ERC2: variants seen among roughly 807,000 people sequenced by gnomAD.
The protein encoded by ERC2 is ELKS/RAB6-interacting/CAST family member 2, also known as ERC protein 2.
A neutral mutation model predicts 114.8 loss-of-function variants in ERC2; 42 were observed. That is an observed-to-expected ratio of 0.37 (90% CI 0.29 to 0.47). ERC2 has a LOEUF of 0.47. Ranked by LOEUF, ERC2 falls within the 20% of genes least tolerant of loss-of-function variation. ERC2 has a pLI of 0.99. For missense variants in ERC2, 939 were observed against 1,150.7 expected (o/e 0.82, Z 2.66); for synonymous variants, 454 against 425.5 (o/e 1.07, Z -0.82).
intron 17 of ERC2, among the ~76,000 whole-genome samples, chr3:55,568,524 C>T (rs943033683): frequency 6.6e-6 from 1 of 152,136 alleles, no homozygotes; most frequent in Non-Finnish European, 1.5e-5. Context: ...GCTCCTCTTT[C>T]CTTCATGTTC....
chr3:55,973,676 T>C (rs1473552197), intron 12 of ERC2, among the ~76,000 whole-genome samples: 67 of 152,202 alleles, frequency 4.4e-4, no homozygotes, highest in Non-Finnish European at 7.3e-5. Context: ...TCCAGGGTTG[T>C]TGGGATTAGA....
At chr3:56,258,515 G>A (rs535946295) in intron 3 of ERC2, among the ~76,000 whole-genome samples, 4 of 152,274 alleles carry the variant, frequency 2.6e-5, no homozygotes, top group East Asian at 1.9e-4. Flanking sequence ...TTAGCCGGGC[G>A]TGGTGGTGGG....
intron 6 of ERC2, among the ~76,000 whole-genome samples, chr3:56,114,750 A>G (rs1314657357): frequency 6.6e-6 from 1 of 151,926 alleles, no homozygotes; most frequent in Non-Finnish European, 1.5e-5. Flanking sequence ...GACCTAACCA[A>G]CTCCATCTTG....
chr3:55,946,323 T>C (rs916531607), intron 13 of ERC2, among the ~76,000 whole-genome samples: 13 of 152,188 alleles, frequency 8.5e-5, no homozygotes, highest in Admixed American at 7.2e-4. Context: ...CAATTCAACA[T>C]TAACTTGAAG....
intron 2 of ERC2, among the ~76,000 whole-genome samples, chr3:56,408,993 G>A (rs1391251483): frequency 6.6e-6 from 1 of 152,304 alleles, no homozygotes; most frequent in Middle Eastern, 3.4e-3. Context: ...CCATATCCAG[G>A]ATCTCTTCTA....
At chr3:56,381,524 C>A (rs1454883764) in intron 2 of ERC2, among the ~76,000 whole-genome samples, 2 of 151,836 alleles carry the variant, frequency 1.3e-5, no homozygotes, top group Non-Finnish European at 2.9e-5. Context: ...CCATGTAGTT[C>A]AAGGGTCAGT....
rs1456832039 is a variant in ERC2 at position 56,151,416 on chromosome 3, A to G, written c.1150-2284T>C. ...GTCAGTTTCAAGGGCAAAAGAGCTC[A>G]TATCTCACATCATGAGCACAGGGAA... On this transcript the variant is annotated intron_variant, in intron 4 of 17. Coordinates refer to ENST00000288221, the MANE Select transcript of ERC2 (RefSeq NM_015576.3). 2.0e-5 allele frequency among the ~76,000 whole-genome samples: 3 copies of G among 152,188 alleles called. No individual in the cohort carries two copies. The East Asian group carries it at 5.8e-4, about 29-fold the overall frequency.
intron 6 of ERC2, among the ~76,000 whole-genome samples, chr3:56,105,251 G>A (rs1377607266): frequency 6.6e-6 from 1 of 152,124 alleles, no homozygotes; most frequent in Non-Finnish European, 1.5e-5. Context: ...ACACAGACCT[G>A]GGTGTCACTG....
In ERC2 at chr3:55,888,367, C is replaced by A. The variant is rs759618366; in HGVS notation, c.2564+22G>T. 2.5e-6 allele frequency: 4 copies of A among 1,612,922 alleles called. No homozygotes were observed. The East Asian group carries it at 8.9e-5, about 36-fold the overall frequency. Reference sequence around the variant, plus strand: ...AGAGAGGCTAGAAGAGAGAGGCTACCAAAGCAGCAATGGGTACTCACTTCA... The same window carrying A: ...AGAGAGGCTAGAAGAGAGAGGCTACAAAAGCAGCAATGGGTACTCACTTCA... On this transcript the variant is annotated intron_variant, in intron 14 of 17. Transcript: ENST00000288221.
At chr3:56,084,587 G>C (rs962595244) in intron 6 of ERC2, among the ~76,000 whole-genome samples, 24 of 152,100 alleles carry the variant, frequency 1.6e-4, no homozygotes, top group Admixed American at 1.4e-3. Context: ...ATCATTCTAA[G>C]TGAAGTAACT....
At chr3:55,940,586 T>TG (rs2066725522) in intron 13 of ERC2, among the ~76,000 whole-genome samples, 1 of 152,090 alleles carries the variant, frequency 6.6e-6, no homozygotes, top group Non-Finnish European at 1.5e-5. Context: ...AATCAAATGC[T>TG]GGGGGGAGGA....
At chr3:55,645,601 A>G (rs551364838) in intron 17 of ERC2, among the ~76,000 whole-genome samples, 1 of 152,256 alleles carries the variant, frequency 6.6e-6, no homozygotes, top group East Asian at 1.9e-4. Context: ...GTGTTGTGCA[A>G]TCTATTTTCA....
At chr3:55,517,258 T>C (rs2052580528) in intron 17 of ERC2, among the ~76,000 whole-genome samples, 1 of 151,882 alleles carries the variant, frequency 6.6e-6, no homozygotes, top group Non-Finnish European at 1.5e-5. Context: ...CTAGCCAACA[T>C]GGTGAAACCC....
intron 3 of ERC2, among the ~76,000 whole-genome samples, chr3:56,178,802 G>T (rs565317809): frequency 8.8e-4 from 134 of 151,944 alleles, no homozygotes; most frequent in Non-Finnish European, 2.5e-4. Flanking sequence ...AATTTTAAAA[G>T]GAGACTAAAC....
intron 17 of ERC2, chr3:55,647,281 A>C (rs1360461928): frequency 1.3e-5 from 2 of 152,192 alleles, no homozygotes; most frequent in Non-Finnish European, 2.9e-5. Flanking sequence ...GCTGTTTGGC[A>C]GCAGCTGTGA....
intron 1 of ERC2, among the ~76,000 whole-genome samples, chr3:56,460,418 C>T (rs1470937979): frequency 2.0e-5 from 3 of 152,188 alleles, no homozygotes; most frequent in African/African-American, 4.8e-5. Context: ...ACTTACAGAA[C>T]ATCTAGGCAC....
At chr3:55,793,621 T>C (rs1157981303) in intron 14 of ERC2, among the ~76,000 whole-genome samples, 2 of 152,202 alleles carry the variant, frequency 1.3e-5, no homozygotes, top group Non-Finnish European at 2.9e-5. Flanking sequence ...GCAGATTGCA[T>C]TGTTAATAAG....
intron 17 of ERC2, among the ~76,000 whole-genome samples, chr3:55,591,271 G>A (rs1307114135): frequency 6.7e-6 from 1 of 148,650 alleles, no homozygotes; most frequent in Non-Finnish European, 1.5e-5. Context: ...TCTCATTTTT[G>A]TCTTTTGTCT....
intron 3 of ERC2, among the ~76,000 whole-genome samples, chr3:56,207,291 A>G (rs561522698): frequency 1.3e-5 from 2 of 152,306 alleles, no homozygotes; most frequent in Non-Finnish European, 2.9e-5. Context: ...AATTAAAAAA[A>G]CACACAATAG....
Sources: gnomAD v4.1 joint callset for allele counts (sites outside exome capture counted in the v4.1 genomes callset) on GRCh38, gnomAD v4.1.1 for gene constraint, MANE v1.5 for transcripts, NCBI Gene and HGNC (gene_info 2026-07-23, HGNC 2026-07-21) for gene names.